FAM234A: variants seen among roughly 807,000 people sequenced by gnomAD.
FAM234A encodes the protein family with sequence similarity 234 member A.
Under a neutral mutation model 49.1 loss-of-function variants are expected in FAM234A, and 42 were observed. The ratio of observed to expected loss-of-function variants is 0.86; its 90% CI spans 0.67 to 1.11. The LOEUF is 1.11. FAM234A is among the 50% of genes least tolerant of loss of function. FAM234A has a pLI of 0.00. For synonymous variants in FAM234A, 369 were observed against 316.2 expected (o/e 1.17, Z -1.77); for missense variants, 815 against 745.2 (o/e 1.09, Z -1.09).
At chr16:255,948 G>C (rs1304727122) in intron 3 of FAM234A, among the ~76,000 whole-genome samples, 1 of 152,246 alleles carries the variant, frequency 6.6e-6, no homozygotes, top group Non-Finnish European at 1.5e-5. Context: ...ACCGGCGTGA[G>C]CCACCGCGCC....
chr16:258,146 A>G (rs1431068785), intron 3 of FAM234A, among the ~76,000 whole-genome samples: 1 of 142,206 alleles, frequency 7.0e-6, no homozygotes, highest in African/African-American at 2.6e-5. Flanking sequence ...GAGCCACCTC[A>G]CCCGGCCTAT....
At position 260,758 on chromosome 16, in the gene FAM234A, A is replaced by G. The variant is rs746770524; in HGVS notation, c.577+598A>G. ...CCTTACAAGCTGTCATTTTAAGGAT[A>G]TGGAGGAGAATAAAGAGCAGGCTGA... is the stretch of plus-strand genomic sequence containing the variant. On this transcript the variant is annotated intron_variant, in intron 5 of 12. Transcript: ENST00000399932. 9 of 416,800 alleles carry G rather than the reference A, an allele frequency of 2.2e-5. No individual in the cohort carries two copies. The Admixed American group carries it at 2.6e-4, about 12-fold the overall frequency. The allele number at this position is 416,800 out of a possible 1,614,324, so 25.8% of individuals were successfully genotyped here.
In FAM234A at chr16:263,400, G is replaced by C; in HGVS notation, c.1110G>C (p.Leu370=). The C allele has an allele frequency of 6.2e-7, 1 of 1,609,208 alleles. No homozygotes were observed. The change falls in exon 9 of 13, where the codon CTG becomes CTC. Residue 370 remains leucine, a splice_region_variant and synonymous_variant. Coordinates refer to ENST00000399932, the MANE Select transcript of FAM234A (RefSeq NM_032039.4). ...PRWTPKAAHV[L]RKPIFGRYKP... ...GGACACCCAAGGCAGCCCATGTCCT[G>C]AGGTACAGGGTTTCCCCAAGGACCG... is the stretch of plus-strand genomic sequence containing the variant.
At chr16:269,876 G>T, downstream of FAM234A, 1 of 367,122 alleles carries the variant, frequency 2.7e-6, no homozygotes. Flanking sequence ...AACCAGGAAT[G>T]GCTCCGTGTG....
chr16:252,664 T>C (rs1433331210), intron 2 of FAM234A, among the ~76,000 whole-genome samples: 1 of 152,236 alleles, frequency 6.6e-6, no homozygotes, highest in African/African-American at 2.4e-5. Context: ...CCCAGACTCG[T>C]CGTTTTTCCC....
At chr16:244,056 C>T (rs1469161794) in intron 1 of FAM234A, among the ~76,000 whole-genome samples, 12 of 151,918 alleles carry the variant, frequency 7.9e-5, no homozygotes, top group Non-Finnish European at 1.5e-5. Context: ...GCAACCTCCG[C>T]CTCCCAGGTT....
In FAM234A at chr16:263,254, C is replaced by T. The variant is rs376234783; in HGVS notation, c.972-8C>T. On this transcript the variant is annotated splice_region_variant and splice_polypyrimidine_tract_variant and intron_variant, in intron 8 of 12. Coordinates refer to ENST00000399932, the MANE Select transcript of FAM234A (RefSeq NM_032039.4). Reference sequence around the variant, plus strand: ...CCCGGCGCCCCTTTCTCCCACTCTCCTGTCTAGCTCTGGAGCAGTGCGCTA... The same window carrying T: ...CCCGGCGCCCCTTTCTCCCACTCTCTTGTCTAGCTCTGGAGCAGTGCGCTA... 246 of 1,611,738 alleles carry T rather than the reference C, an allele frequency of 1.5e-4. No homozygotes were observed. In the African/African-American group the frequency reaches 3.1e-3, roughly 20 times the overall value.
downstream of FAM234A, among the ~76,000 whole-genome samples, chr16:266,383 C>G (rs2051693366): frequency 6.6e-6 from 1 of 152,246 alleles, no homozygotes. Flanking sequence ...CCACCTGGAA[C>G]AGACGGTGGC....
chr16:262,099 G>A lies in FAM234A; in HGVS notation c.715G>A (p.Gly239Ser), dbSNP rs902221888. The change falls in exon 7 of 13, where the codon GGC (glycine) becomes AGC (serine). Residue 239 changes from glycine to serine, a missense_variant. Physicochemically the swap from Gly to Ser is moderately conservative, Grantham distance 56. Coordinates refer to ENST00000399932, the MANE Select transcript of FAM234A (RefSeq NM_032039.4). The stretch of plus-strand genomic sequence containing the variant: ...TCATCCTGTGTCATTGCAGGTTAGT[G>A]GCCACCTCTACTCCGGCAGCACCGG... ...VLTQEREEVS[G>S]HLYSGSTGHQ... 6.2e-7 allele frequency: 1 copy of A among 1,613,740 alleles called. No individual in the cohort carries two copies. The highest frequency in any genetic ancestry group is 1.3e-5 in the African/African-American group (1 of 74,924).
At chr16:254,826 G>A in intron 3 of FAM234A, 145 bp downstream of exon 3, 1 of 830,722 alleles carries the variant, frequency 1.2e-6, no homozygotes, top group South Asian at 1.7e-5. Flanking sequence ...CTATGTCCAA[G>A]GTTTTCCCGG....
Position 254,614 on chromosome 16 carries a change from A to T in FAM234A, c.201A>T (p.Ser67=), listed in dbSNP as rs200165198. ...FLCLFVVFVV[S]FVIPCPDRPA... ...GCCTTTTTGTGGTGTTCGTCGTCTC[A>T]TTCGTCATCCCGTGTCCAGACCGGC... Residue 67 remains serine (S), a synonymous_variant, in exon 3 of 13, where the codon TCA becomes TCT. Transcript: ENST00000399932. 5.0e-6 allele frequency: 8 copies of T among 1,613,960 alleles called. No homozygotes were observed. The highest frequency in any genetic ancestry group is 6.8e-6 in the Non-Finnish European group (8 of 1,179,974).
intron 2 of FAM234A, among the ~76,000 whole-genome samples, chr16:251,284 G>C (rs764028246): frequency 2.6e-5 from 4 of 152,120 alleles, no homozygotes; most frequent in Non-Finnish European, 4.4e-5. Flanking sequence ...TGGACATCTG[G>C]GTTGTTTCTA....
chr16:239,063 C>T (rs1392999612), intron 1 of FAM234A, among the ~76,000 whole-genome samples: 1 of 146,324 alleles, frequency 6.8e-6, no homozygotes, highest in African/African-American at 2.5e-5. Flanking sequence ...GCCTGGGCGA[C>T]AGAGCGAGCC....
In FAM234A at chr16:261,514, G is replaced by C; in HGVS notation, c.708G>C (p.Glu236Asp). Reference sequence around the variant, plus strand: ...TGGTTCTCACCCAGGAGCGGGAGGAGGTACATCCCAGCCTGGCTCTGCTCC... The same window carrying C: ...TGGTTCTCACCCAGGAGCGGGAGGACGTACATCCCAGCCTGGCTCTGCTCC... ...DLLVLTQEREEVSGHLYSGST... is the reference protein window; with the variant it reads ...DLLVLTQEREDVSGHLYSGST... Residue 236 changes from glutamate to aspartate, a missense_variant and splice_region_variant, in exon 6 of 13, where the codon GAG becomes GAC. By Grantham distance (45) the Glu-to-Asp change is conservative. Transcript: ENST00000399932. The C allele has an allele frequency of 6.3e-7, 1 of 1,598,604 alleles. No homozygotes were observed. Among genetic ancestry groups the C allele is most frequent in the African/African-American group, 1.3e-5 (1 of 74,766 alleles).
chr16:268,620 G>A (rs185808733), downstream of FAM234A: 195 of 673,974 alleles, frequency 2.9e-4, no homozygotes, highest in African/African-American at 3.0e-3. Context: ...TCTATAAATC[G>A]GGGGGGAGGC....
chr16:240,917 A>G (rs1163713546), intron 1 of FAM234A, among the ~76,000 whole-genome samples: 1 of 152,094 alleles, frequency 6.6e-6, no homozygotes, highest in African/African-American at 2.4e-5. Flanking sequence ...TTAACTAAAT[A>G]TTTTATCCAT....
intron 3 of FAM234A, among the ~76,000 whole-genome samples, chr16:255,101 G>A (rs531194985): frequency 3.9e-5 from 6 of 152,244 alleles, no homozygotes; most frequent in East Asian, 3.9e-4. Flanking sequence ...TGATCCGCCC[G>A]CCTCAGCCTC....
chr16:261,168 C>T (rs1356702936), intron 5 of FAM234A: 3 of 519,912 alleles, frequency 5.8e-6, no homozygotes, highest in Admixed American at 3.3e-5. Context: ...CATACACGGG[C>T]AGGACGTGTG....
Position 265,737 on chromosome 16 carries a change from A to G in FAM234A, c.*715A>G. 1 of 985,614 alleles carries G rather than the reference A, an allele frequency of 1.0e-6. No homozygotes were observed. Among genetic ancestry groups the G allele is most frequent in the Non-Finnish European group, 1.2e-6 (1 of 830,086 alleles). The allele number at this position is 985,614 out of a possible 1,614,324, so 61.1% of individuals were successfully genotyped here. A position where few individuals can be genotyped will look rare whatever the true frequency, so the allele number is the denominator to read the frequency against. On this transcript the variant is annotated 3_prime_UTR_variant, in exon 13 of 13. Transcript: ENST00000399932. ...TCACAGGTGTCCTTAGTGGTGTTGC[A>G]GCTGTCTACTGGCTGCATGTGCTGT...
Sources: allele counts gnomAD v4.1 joint callset (sites outside exome capture counted in the v4.1 genomes callset), GRCh38; gene constraint gnomAD v4.1.1; transcripts MANE v1.5; gene names NCBI Gene and HGNC (gene_info 2026-07-23, HGNC 2026-07-21).